Variants in KCNH7 observed in about 807,000 individuals in gnomAD.
The protein encoded by KCNH7 is voltage-gated inwardly rectifying potassium channel KCNH7.
A neutral mutation model predicts 120.8 loss-of-function variants in KCNH7; 49 were observed. The ratio of observed to expected loss-of-function variants is 0.41; its 90% CI spans 0.32 to 0.51. The LOEUF (loss-of-function observed/expected upper bound fraction) is 0.51. Ranked by LOEUF, KCNH7 falls within the 20% of genes least tolerant of loss-of-function variation. KCNH7 has a pLI of 0.38. For synonymous variants in KCNH7, 547 were observed against 516.1 expected, an observed-to-expected ratio of 1.06 and a Z score of -0.81; for missense variants, 1,097 against 1,446.6, an observed-to-expected ratio of 0.76 and a Z score of 3.92.
intron 2 of KCNH7, among the ~76,000 whole-genome samples, chr2:162,806,685 C>T (rs1438061762): frequency 6.6e-6 from 1 of 152,140 alleles, no homozygotes; most frequent in Non-Finnish European, 1.5e-5. Context: ...TTGTTCTAAT[C>T]TGGCAATGAT....
chr2:162,434,234 A>G (rs180839614), intron 8 of KCNH7, among the ~76,000 whole-genome samples: 11 of 152,124 alleles, frequency 7.2e-5, no homozygotes, highest in African/African-American at 2.4e-4. Flanking sequence ...TAGTAGAGTG[A>G]GATAAAGGGA....
intron 2 of KCNH7, among the ~76,000 whole-genome samples, chr2:162,749,485 A>G (rs895996957): frequency 3.1e-4 from 47 of 152,184 alleles, no homozygotes; most frequent in Admixed American, 3.1e-3. Context: ...CAACATAATA[A>G]AAATAATACA....
chr2:162,730,160 G>A (rs2105390218), intron 2 of KCNH7, among the ~76,000 whole-genome samples: 1 of 150,494 alleles, frequency 6.6e-6, no homozygotes, highest in Middle Eastern at 3.4e-3. Context: ...GAAAAAAGAT[G>A]AAAAATATGA....
At chr2:162,619,906 G>A (rs921478957) in intron 2 of KCNH7, among the ~76,000 whole-genome samples, 7 of 151,778 alleles carry the variant, frequency 4.6e-5, no homozygotes, top group Admixed American at 3.9e-4. Context: ...TTTAGATTAA[G>A]TATAATACTT....
rs556765730 is a variant in KCNH7 at position 162,787,759 on chromosome 2, T to C, written c.307+48778A>G. 3.9e-5 allele frequency among the ~76,000 whole-genome samples: 6 copies of C among 152,228 alleles called. No homozygotes were observed. The South Asian group carries it at 1.0e-3, about 26-fold the overall frequency. On this transcript the variant is annotated intron_variant, in intron 2 of 15. Coordinates refer to ENST00000332142, the MANE Select transcript of KCNH7 (RefSeq NM_033272.4). ...TACTCAGTTTCCAGGTCCATCTCAGTAGACCCTGGTGTCAGGCTGGCATCC... is the reference window on the plus strand; with the variant it reads ...TACTCAGTTTCCAGGTCCATCTCAGCAGACCCTGGTGTCAGGCTGGCATCC...
At chr2:162,693,621 G>C (rs907412032) in intron 2 of KCNH7, among the ~76,000 whole-genome samples, 5 of 152,216 alleles carry the variant, frequency 3.3e-5, no homozygotes, top group African/African-American at 1.2e-4. Context: ...AAGGAAGAGA[G>C]AAACCACTGA....
chr2:162,703,553 C>A (rs768049885), intron 2 of KCNH7, among the ~76,000 whole-genome samples: 1 of 152,062 alleles, frequency 6.6e-6, no homozygotes, highest in Admixed American at 6.6e-5. Context: ...TAAATGTTTG[C>A]ATTACAGTAA....
intron 6 of KCNH7, among the ~76,000 whole-genome samples, chr2:162,464,407 G>A (rs891409554): frequency 6.6e-6 from 1 of 151,904 alleles, no homozygotes; most frequent in African/African-American, 2.4e-5. Flanking sequence ...GGGGAGGCAT[G>A]AATCTCATAA....
chr2:162,565,315 A>C (rs1693215938), intron 2 of KCNH7, among the ~76,000 whole-genome samples: 2 of 152,046 alleles, frequency 1.3e-5, no homozygotes, highest in Admixed American at 1.3e-4. Flanking sequence ...ATTTTGCTTG[A>C]GGAAAAAAAA....
chr2:162,752,931 AAGAAAAGAAAAGAAAAG>A (rs1559116207), intron 2 of KCNH7, among the ~76,000 whole-genome samples: 27 of 86,330 alleles, frequency 3.1e-4, no homozygotes, highest in African/African-American at 4.4e-4. Flanking sequence ...AAGAAAAGAA[AAGAAAAGAAAAGAAAAG>A]AAAAGAAAAG....
intron 9 of KCNH7, among the ~76,000 whole-genome samples, chr2:162,422,708 G>C (rs1040305033): frequency 1.3e-5 from 2 of 151,964 alleles, no homozygotes; most frequent in African/African-American, 4.8e-5. Flanking sequence ...TGCTGAATTT[G>C]CTTAAAAGTT....
chr2:162,478,946 G>A (rs1450365554), intron 6 of KCNH7, among the ~76,000 whole-genome samples: 1 of 152,004 alleles, frequency 6.6e-6, no homozygotes, highest in African/African-American at 2.4e-5. Flanking sequence ...GGGCTTTCCT[G>A]GTGCTTTTTA....
At chr2:162,838,337 T>C in intron 1 of KCNH7, 106 bp downstream of exon 1, 1 of 872,476 alleles carries the variant, frequency 1.1e-6, no homozygotes, top group Non-Finnish European at 1.9e-6. Context: ...GCCTCTTAAG[T>C]TGACAGAGCC....
At chr2:162,604,497 C>T (rs1021342767) in intron 2 of KCNH7, among the ~76,000 whole-genome samples, 5 of 152,160 alleles carry the variant, frequency 3.3e-5, no homozygotes, top group African/African-American at 1.2e-4. Flanking sequence ...ATTTCTTAAG[C>T]TCTGATTTCA....
intron 2 of KCNH7, among the ~76,000 whole-genome samples, chr2:162,688,203 T>C (rs1288364042): frequency 6.6e-6 from 1 of 152,188 alleles, no homozygotes; most frequent in Non-Finnish European, 1.5e-5. Context: ...CCTTTAGCTG[T>C]TAAGAATTTG....
At chr2:162,446,472 A>C in intron 6 of KCNH7, 29 bp from the exon 7 acceptor site, 7 of 1,518,542 alleles carry the variant, frequency 4.6e-6, no homozygotes, top group Non-Finnish European at 6.2e-6. Context: ...ATCATACACT[A>C]CATAAATATG....
chr2:162,623,730 A>C (rs972805802), intron 2 of KCNH7, among the ~76,000 whole-genome samples: 2 of 152,184 alleles, frequency 1.3e-5, no homozygotes, highest in African/African-American at 4.8e-5. Flanking sequence ...CCTGTGATGA[A>C]TATGAAATGA....
chr2:162,801,153 T>C (rs1684332202), intron 2 of KCNH7, among the ~76,000 whole-genome samples: 1 of 151,754 alleles, frequency 6.6e-6, no homozygotes, highest in African/African-American at 2.4e-5. Flanking sequence ...GTAGAACTAC[T>C]TAGAAAACAA....
intron 2 of KCNH7, among the ~76,000 whole-genome samples, chr2:162,636,965 C>G (rs1387824644): frequency 6.6e-6 from 1 of 152,084 alleles, no homozygotes; most frequent in Non-Finnish European, 1.5e-5. Flanking sequence ...CACCACCCTC[C>G]CCACCATTCT....
Sources: allele counts gnomAD v4.1 joint callset (sites outside exome capture counted in the v4.1 genomes callset), GRCh38; gene constraint gnomAD v4.1.1; transcripts MANE v1.5; gene names NCBI Gene and HGNC (gene_info 2026-07-23, HGNC 2026-07-21).